Variants in TBL1XR1 observed in about 807,000 individuals in gnomAD.
TBL1XR1 encodes TBL1X/Y related 1.
Under a neutral mutation model 66.9 loss-of-function variants are expected in TBL1XR1, and 5 were observed. The ratio of observed to expected loss-of-function variants is 0.07; its 90% CI spans 0.04 to 0.16. The LOEUF (loss-of-function observed/expected upper bound fraction) is 0.16. TBL1XR1 is among the 10% of genes least tolerant of loss of function. The pLI, the probability that TBL1XR1 is intolerant of heterozygous loss-of-function variation, is 1.00. For synonymous variants in TBL1XR1, 210 were observed against 206.0 expected (o/e 1.02, Z -0.17); for missense variants, 238 against 623.2 (o/e 0.38, Z 6.58).
chr3:177,182,840 A>G (rs1478559707), intron 1 of TBL1XR1, among the ~76,000 whole-genome samples: 2 of 152,170 alleles, frequency 1.3e-5, no homozygotes, highest in East Asian at 3.9e-4. Flanking sequence ...ATTTTTTTAA[A>G]ACAATATAAT....
chr3:177,028,126 C>T (rs575186374), intron 14 of TBL1XR1, among the ~76,000 whole-genome samples: 8 of 152,234 alleles, frequency 5.3e-5, no homozygotes, highest in African/African-American at 1.9e-4. Context: ...TCGGCATCTA[C>T]CTCAAATTTG....
At chr3:177,112,097 A>ATT (rs1725683495) in intron 1 of TBL1XR1, among the ~76,000 whole-genome samples, 2 of 50,068 alleles carry the variant, frequency 4.0e-5, no homozygotes, top group African/African-American at 1.2e-4. Flanking sequence ...ATATATATAT[A>ATT]TATATATATA....
chr3:177,072,249 G>A (rs1161317546), intron 2 of TBL1XR1, among the ~76,000 whole-genome samples: 1 of 151,980 alleles, frequency 6.6e-6, no homozygotes, highest in Non-Finnish European at 1.5e-5. Flanking sequence ...ATAGTAATTG[G>A]GATCCGTAGA....
intron 1 of TBL1XR1, among the ~76,000 whole-genome samples, chr3:177,132,359 T>TA (rs1257971058): frequency 6.6e-6 from 1 of 152,172 alleles, no homozygotes; most frequent in East Asian, 1.9e-4. Context: ...ACCTCACACT[T>TA]AGCTCCTTCA....
intron 10 of TBL1XR1, among the ~76,000 whole-genome samples, chr3:177,039,419 C>T (rs778840334): frequency 5.3e-5 from 8 of 152,132 alleles, no homozygotes; most frequent in Non-Finnish European, 8.8e-5. Flanking sequence ...AAATGGAATA[C>T]GGCATATGAT....
chr3:177,127,288 T>A (rs563183034), intron 1 of TBL1XR1, among the ~76,000 whole-genome samples: 34 of 152,324 alleles, frequency 2.2e-4, no homozygotes, highest in African/African-American at 7.2e-4. Flanking sequence ...AGCACAGAAT[T>A]GCAACATCTT....
At chr3:177,153,749 C>T (rs1207143080) in intron 1 of TBL1XR1, among the ~76,000 whole-genome samples, 3 of 151,824 alleles carry the variant, frequency 2.0e-5, no homozygotes, top group East Asian at 1.9e-4. Context: ...TGGTGGCACG[C>T]GCCTGTAATC....
chr3:177,025,159 G>T lies in TBL1XR1; in HGVS notation c.*339C>A, dbSNP rs1576954617. The T allele has an allele frequency of 3.9e-6, 1 of 256,136 alleles. No individual in the cohort carries two copies. Among genetic ancestry groups the T allele is most frequent in the African/African-American group, 2.2e-5 (1 of 44,976 alleles). 15.9% of individuals were successfully genotyped at this position (256,136 alleles called of 1,614,324 possible). Reference sequence around the variant, plus strand: ...TGATTCAAAGGGGAGAAACAAGGCTGTCATTTAGTATCCAAAAACTGGTAC... The same window carrying T: ...TGATTCAAAGGGGAGAAACAAGGCTTTCATTTAGTATCCAAAAACTGGTAC... On this transcript the variant is annotated 3_prime_UTR_variant, in exon 16 of 16. Coordinates refer to ENST00000457928, the MANE Select transcript of TBL1XR1 (RefSeq NM_024665.7).
intron 1 of TBL1XR1, among the ~76,000 whole-genome samples, chr3:177,141,014 T>C (rs1258269688): frequency 6.6e-6 from 1 of 152,144 alleles, no homozygotes; most frequent in Admixed American, 6.5e-5. Flanking sequence ...CCTGCTCTAA[T>C]CCTTATCTTG....
At chr3:177,082,187 TTATAATA>T (rs1195255867) in intron 2 of TBL1XR1, among the ~76,000 whole-genome samples, 1 of 152,146 alleles carries the variant, frequency 6.6e-6, no homozygotes, top group East Asian at 1.9e-4. Flanking sequence ...TTTGAGAAAG[TTATAATA>T]TATACAAATG....
At chr3:177,079,792 T>C (rs944123237) in intron 2 of TBL1XR1, 1 of 151,304 alleles carries the variant, frequency 6.6e-6, no homozygotes, top group Admixed American at 6.6e-5. Context: ...CAAATCACTT[T>C]ATGTGTTCAT....
At chr3:177,171,803 T>C (rs1254499060) in intron 1 of TBL1XR1, among the ~76,000 whole-genome samples, 1 of 128,806 alleles carries the variant, frequency 7.8e-6, no homozygotes, top group East Asian at 2.4e-4. Flanking sequence ...AAAAGAAAAA[T>C]ACCAGAAGAG....
chr3:177,060,162 TTG>T (rs1178408602), intron 3 of TBL1XR1, among the ~76,000 whole-genome samples: 2 of 152,198 alleles, frequency 1.3e-5, no homozygotes, highest in Non-Finnish European at 2.9e-5. Flanking sequence ...TACTTTGTGA[TTG>T]TGTGAGTCAA....
chr3:177,098,657 T>C, intron 1 of TBL1XR1, 116 bp from the exon 2 acceptor site: 1 of 416,408 alleles, frequency 2.4e-6, no homozygotes, highest in Non-Finnish European at 3.2e-6. Context: ...ACCAGTGAAT[T>C]TCTTTCTCCC....
chr3:177,131,411 A>G, intron 1 of TBL1XR1: 2 of 985,262 alleles, frequency 2.0e-6, no homozygotes, highest in Non-Finnish European at 2.4e-6. Flanking sequence ...TCAATACTGC[A>G]TAAAGTGCCT....
chr3:177,058,353 T>C (rs1349199223), intron 3 of TBL1XR1, among the ~76,000 whole-genome samples: 2 of 152,200 alleles, frequency 1.3e-5, no homozygotes, highest in Non-Finnish European at 2.9e-5. Flanking sequence ...CAGGGGATCT[T>C]TGTTATTGAA....
chr3:177,175,894 TAAAA>T (rs1734088986), intron 1 of TBL1XR1, among the ~76,000 whole-genome samples: 2 of 151,496 alleles, frequency 1.3e-5, no homozygotes, highest in Non-Finnish European at 2.9e-5. Flanking sequence ...CCATCTCTAC[TAAAA>T]ATACAAAAAT....
intron 1 of TBL1XR1, among the ~76,000 whole-genome samples, chr3:177,130,517 G>A (rs936730651): frequency 3.9e-5 from 6 of 152,094 alleles, no homozygotes; most frequent in African/African-American, 9.7e-5. Flanking sequence ...AGCATATTAC[G>A]TACTTTTCTG....
At chr3:177,049,368 T>G (rs1396423539) in intron 7 of TBL1XR1, among the ~76,000 whole-genome samples, 1 of 152,182 alleles carries the variant, frequency 6.6e-6, no homozygotes, top group African/African-American at 2.4e-5. Context: ...TTTAAAACTA[T>G]AATGGTGAGA....
Sources: gnomAD v4.1 joint callset for allele counts (sites outside exome capture counted in the v4.1 genomes callset) on GRCh38, gnomAD v4.1.1 for gene constraint, MANE v1.5 for transcripts, NCBI Gene and HGNC (gene_info 2026-07-23, HGNC 2026-07-21) for gene names.